ICE1: variants seen among roughly 807,000 people sequenced by gnomAD.
ICE1 encodes interactor of little elongation complex ELL subunit 1.
Under a neutral mutation model 192.7 loss-of-function variants are expected in ICE1, and 64 were observed. That is an observed-to-expected ratio of 0.33 (90% CI 0.27 to 0.41). ICE1 has a LOEUF of 0.41. Among genes scored for constraint, ICE1 ranks in the 10% least tolerant of loss-of-function variants. The probability of loss-of-function intolerance (pLI) is 1.00; values close to 1 mark genes in which losing one functional copy is unlikely to be tolerated. For missense variants in ICE1, 2,708 were observed against 2,696.0 expected, an observed-to-expected ratio of 1.00 and a Z score of -0.10; for synonymous variants, 1,010 against 984.5, an observed-to-expected ratio of 1.03 and a Z score of -0.49.
Position 5,466,316 on chromosome 5 carries a change from A to T in ICE1, c.5893-18A>T, listed in dbSNP as rs1166815545. 3 of 1,563,756 alleles carry T rather than the reference A, an allele frequency of 1.9e-6. No homozygotes were observed. Among genetic ancestry groups the T allele is most frequent in the Non-Finnish European group, 1.7e-6 (2 of 1,155,458 alleles). On this transcript the variant is annotated intron_variant, in intron 13 of 18. Coordinates refer to ENST00000296564, the MANE Select transcript of ICE1 (RefSeq NM_015325.3). ...AGTATGAGTGTACATTGCCTTTTTA[A>T]TTTTTTTTTCAATCCAGCATTTAGC...
intron 1 of ICE1, among the ~76,000 whole-genome samples, chr5:5,429,767 A>G (rs1461558822): frequency 6.6e-6 from 1 of 152,104 alleles, no homozygotes; most frequent in South Asian, 2.1e-4. Context: ...GTGTGATTCT[A>G]CTTCCCCAAG....
At position 5,423,019 on chromosome 5, in the gene ICE1, C is replaced by G; in HGVS notation, c.84+20C>G. On this transcript the variant is annotated intron_variant, in intron 1 of 18. Transcript: ENST00000296564. ...CAGCAGGTGCAGCACCTCCCGGGGC[C>G]CCGGGCGCGGGGGGGGACTCGGCTC... 7.4e-7 allele frequency: 1 copy of G among 1,356,142 alleles called. No individual in the cohort carries two copies. Among genetic ancestry groups the G allele is most frequent in the African/African-American group, 1.5e-5 (1 of 66,188 alleles). 84.0% of individuals were successfully genotyped at this position (1,356,142 alleles called of 1,614,324 possible).
chr5:5,441,439 A>G (rs552548995), intron 5 of ICE1, among the ~76,000 whole-genome samples: 3 of 152,352 alleles, frequency 2.0e-5, no homozygotes, highest in Admixed American at 6.5e-5. Context: ...TCAGTTGCTT[A>G]TGCTTTTTGA....
At chr5:5,427,461 G>C (rs1322595857) in intron 1 of ICE1, among the ~76,000 whole-genome samples, 1 of 152,198 alleles carries the variant, frequency 6.6e-6, no homozygotes, top group African/African-American at 2.4e-5. Flanking sequence ...TCACTGCAGT[G>C]CAAAACAGTT....
intron 11 of ICE1, among the ~76,000 whole-genome samples, chr5:5,456,055 T>G (rs1320190213): frequency 6.6e-6 from 1 of 152,246 alleles, no homozygotes; most frequent in Admixed American, 6.5e-5. Flanking sequence ...TATGTGATGT[T>G]TTCTCATGTC....
intron 17 of ICE1, among the ~76,000 whole-genome samples, chr5:5,480,959 T>C (rs62335516): frequency 6.6e-6 from 1 of 152,042 alleles, no homozygotes; most frequent in African/African-American, 2.4e-5. Context: ...CAAAACTGTT[T>C]TGCTGAATTC....
chr5:5,475,634 G>T (rs950652103), intron 16 of ICE1, among the ~76,000 whole-genome samples: 1 of 152,180 alleles, frequency 6.6e-6, no homozygotes, highest in Non-Finnish European at 1.5e-5. Context: ...AAACACAGGG[G>T]CTGCTTTTGC....
chr5:5,447,673 C>CATT (rs1561080527), intron 8 of ICE1, 48 bp from the exon 9 acceptor site: 1 of 1,511,440 alleles, frequency 6.6e-7, no homozygotes. Context: ...TCTAGAATGG[C>CATT]TGCACTTCTT....
At chr5:5,475,831 C>T in intron 16 of ICE1, 142 bp from the exon 17 acceptor site, 1 of 621,364 alleles carries the variant, frequency 1.6e-6, no homozygotes, top group Non-Finnish European at 2.8e-6. Context: ...TGTGAGCATC[C>T]AGTATCTGTT....
intron 11 of ICE1, 81 bp downstream of exon 11, chr5:5,454,719 A>C: frequency 1.1e-6 from 1 of 913,702 alleles, no homozygotes; most frequent in Non-Finnish European, 1.7e-6. Flanking sequence ...GTTACTTTTT[A>C]ATAGCTCCTG....
chr5:5,454,708 C>A, intron 11 of ICE1, 70 bp downstream of exon 11: 1 of 1,128,320 alleles, frequency 8.9e-7, no homozygotes. Flanking sequence ...GCATAGCAGC[C>A]GTTACTTTTT....
intron 9 of ICE1, 34 bp downstream of exon 9, chr5:5,447,794 T>G: frequency 6.4e-7 from 1 of 1,571,374 alleles, no homozygotes; most frequent in South Asian, 1.2e-5. Context: ...ATAAATTTAT[T>G]TTTGATATGT....
At chr5:5,470,036 G>A (rs957316940) in intron 15 of ICE1, among the ~76,000 whole-genome samples, 12 of 152,022 alleles carry the variant, frequency 7.9e-5, no homozygotes, top group Non-Finnish European at 1.8e-4. Context: ...ACTGCCTTCC[G>A]AGGGTTACCT....
At chr5:5,483,147 T>C (rs1292576078) in intron 17 of ICE1, among the ~76,000 whole-genome samples, 1 of 152,034 alleles carries the variant, frequency 6.6e-6, no homozygotes, top group East Asian at 1.9e-4. Context: ...TGCGCCACCA[T>C]GCTCGGCTAA....
chr5:5,478,598 C>A (rs1739408751), intron 17 of ICE1, among the ~76,000 whole-genome samples: 1 of 152,204 alleles, frequency 6.6e-6, no homozygotes, highest in Admixed American at 6.5e-5. Context: ...TTAGAAAAAA[C>A]TACTTTAAAT....
chr5:5,443,065 T>A, intron 5 of ICE1, 103 bp from the exon 6 acceptor site: 1 of 627,686 alleles, frequency 1.6e-6, no homozygotes, highest in Non-Finnish European at 2.7e-6. Context: ...TTCTGCCTAA[T>A]GTCTGTTTAT....
intron 12 of ICE1, among the ~76,000 whole-genome samples, chr5:5,458,304 T>C (rs141964801): frequency 1.4e-4 from 22 of 152,330 alleles, no homozygotes; most frequent in African/African-American, 5.3e-4. Context: ...GAAAACACCA[T>C]GTGTGCCTGT....
chr5:5,437,055 C>T, intron 2 of ICE1, 25 bp from the exon 3 acceptor site: 3 of 1,370,972 alleles, frequency 2.2e-6, no homozygotes, highest in Middle Eastern at 3.6e-4. Flanking sequence ...AAAAAGTAAC[C>T]TAATTTTTCT....
At position 5,464,221 on chromosome 5, in the gene ICE1, G is replaced by A. The variant is rs892909159; in HGVS notation, c.4887G>A (p.Gly1629=). 6.2e-7 allele frequency: 1 copy of A among 1,613,320 alleles called. No individual in the cohort carries two copies. Among genetic ancestry groups the A allele is most frequent in the Non-Finnish European group, 8.5e-7 (1 of 1,179,820 alleles). Reference sequence around the variant, plus strand: ...TGAGTAAAATACGGCAAGAGGTGGGGCCTCCTTTGCCGCCTCTGCTTGCTC... The same window carrying A: ...TGAGTAAAATACGGCAAGAGGTGGGACCTCCTTTGCCGCCTCTGCTTGCTC... The part of the protein sequence containing the change: ...DTLSKIRQEV[G]PPLPPLLAPL... The change falls in exon 13 of 19, where the codon GGG becomes GGA. Residue 1629 remains glycine (G), a synonymous_variant. Coordinates refer to ENST00000296564, the MANE Select transcript of ICE1 (RefSeq NM_015325.3). This position sits in a 1 kb window ranked among gnomAD's most constrained non-coding sequence, Gnocchi z 4.0.
Sources: gnomAD v4.1 joint callset for allele counts (sites outside exome capture counted in the v4.1 genomes callset) on GRCh38, gnomAD v4.1.1 for gene constraint, Gnocchi (gnomAD v3.1) non-coding constraint, MANE v1.5 for transcripts, NCBI Gene and HGNC (gene_info 2026-07-23, HGNC 2026-07-21) for gene names.